The following SLC30A8 variants were observed in gnomAD, a reference collection of about 807,000 sequenced individuals.
SLC30A8 encodes the protein proton-coupled zinc antiporter SLC30A8.
A neutral mutation model predicts 36.9 loss-of-function variants in SLC30A8; 27 were observed. The ratio of observed to expected loss-of-function variants is 0.73; its 90% CI spans 0.54 to 1.01. The LOEUF is 1.01. Among genes scored for constraint, SLC30A8 ranks in the 50% least tolerant of loss-of-function variants. SLC30A8 has a pLI of 0.00. For missense variants in SLC30A8, 439 were observed against 452.0 expected, an observed-to-expected ratio of 0.97 and a Z score of 0.26; for synonymous variants, 164 against 172.4, an observed-to-expected ratio of 0.95 and a Z score of 0.38.
chr8:116,994,730 G>T (rs1437838411), intron 1 of SLC30A8, among the ~76,000 whole-genome samples: 6 of 152,172 alleles, frequency 3.9e-5, no homozygotes, highest in Non-Finnish European at 5.9e-5. Flanking sequence ...AGTTATAAAT[G>T]TGGGATTTAT....
chr8:117,088,686 C>A (rs372060885), intron 2 of SLC30A8, among the ~76,000 whole-genome samples: 23 of 152,316 alleles, frequency 1.5e-4, no homozygotes, highest in African/African-American at 5.1e-4. Flanking sequence ...CTTAAGTAAA[C>A]CCCGTAAAGC....
At position 116,977,141 on chromosome 8, in the gene SLC30A8, C is replaced by CTTTTTTTTTTTTTTTTT. The variant is rs71305451; in HGVS notation, c.-266+26029_-266+26045dup. Among the ~76,000 whole-genome samples, 257 of 59,088 alleles carry CTTTTTTTTTTTTTTTTT rather than the reference C, an allele frequency of 4.3e-3. 1 individual carries two copies. Among genetic ancestry groups the CTTTTTTTTTTTTTTTTT allele is most frequent in the Non-Finnish European group, 5.4e-3 (194 of 35,640 alleles). The allele number at this position is 59,088 out of a possible 152,430, so 38.8% of individuals were successfully genotyped here. On this transcript the variant is annotated intron_variant, in intron 1 of 10. Coordinates refer to the SLC30A8 transcript ENST00000427715. ...CTTTTCTTTCTTTTTCTTTTTCTTG[C>CTTTTTTTTTTTTTTTTT]TTTTTTTTTTTTTTTTTTTTTTTGA...
chr8:117,163,200 C>G (rs554894060), intron 5 of SLC30A8, among the ~76,000 whole-genome samples: 2 of 152,320 alleles, frequency 1.3e-5, no homozygotes, highest in African/African-American at 4.8e-5. Flanking sequence ...ATGGGGAGAG[C>G]ATGACTTGTA....
At position 117,015,547 on chromosome 8, in the gene SLC30A8, C is replaced by G. The variant is rs199674590; in HGVS notation, c.-265-23672C>G. ...AGATGCTATTATGCACCCCCCCCCC[C>G]CAAAAAAAAGAGGGCGAGGGAGGGC... On this transcript the variant is annotated intron_variant, in intron 1 of 10. Transcript: ENST00000427715. Among the ~76,000 whole-genome samples the G allele has an allele frequency of 3.2e-3, 457 of 141,904 alleles. 4 individuals carry two copies. The highest frequency in any genetic ancestry group is 0.027 in the Admixed American group (392 of 14,404). 93.1% of individuals were successfully genotyped at this position (141,904 alleles called of 152,430 possible).
chr8:116,987,555 T>C (rs549597975), intron 1 of SLC30A8, among the ~76,000 whole-genome samples: 1 of 152,050 alleles, frequency 6.6e-6, no homozygotes, highest in African/African-American at 2.4e-5. Flanking sequence ...AAGTCTTGAA[T>C]ACCAACATGA....
intron 1 of SLC30A8, among the ~76,000 whole-genome samples, chr8:116,985,328 ACACAC>A (rs1344175104): frequency 2.1e-5 from 3 of 144,044 alleles, no homozygotes; most frequent in South Asian, 4.7e-4. Flanking sequence ...ACACACACAC[ACACAC>A]AAGTATGTAT....
intron 2 of SLC30A8, among the ~76,000 whole-genome samples, chr8:117,149,013 A>G (rs758124584): frequency 2.0e-4 from 30 of 152,074 alleles, no homozygotes; most frequent in Admixed American, 1.5e-3. Flanking sequence ...CAGAAAACAT[A>G]TTTCCCCTCA....
chr8:117,121,791 C>T (rs1419101737), intron 2 of SLC30A8, among the ~76,000 whole-genome samples: 1 of 151,802 alleles, frequency 6.6e-6, no homozygotes, highest in Non-Finnish European at 1.5e-5. Flanking sequence ...CTAAAACAGT[C>T]AAACTGAGAA....
chr8:117,085,468 G>A (rs1369954756), intron 2 of SLC30A8, among the ~76,000 whole-genome samples: 1 of 152,106 alleles, frequency 6.6e-6, no homozygotes, highest in Non-Finnish European at 1.5e-5. Flanking sequence ...TTCCAAACAT[G>A]AGAATATATT....
At chr8:117,050,214 T>C (rs1311901933) in intron 2 of SLC30A8, among the ~76,000 whole-genome samples, 4 of 152,080 alleles carry the variant, frequency 2.6e-5, no homozygotes, top group African/African-American at 9.7e-5. Context: ...CTTGATCACG[T>C]CTAGTGTGTT....
chr8:117,071,723 G>A (rs1818335919), intron 2 of SLC30A8, among the ~76,000 whole-genome samples: 1 of 152,012 alleles, frequency 6.6e-6, no homozygotes, highest in Admixed American at 6.6e-5. Flanking sequence ...GTTGATTTTT[G>A]TATGTGGTGT....
chr8:116,986,886 G>A (rs1815461496), intron 1 of SLC30A8, among the ~76,000 whole-genome samples: 1 of 152,148 alleles, frequency 6.6e-6, no homozygotes, highest in Admixed American at 6.6e-5. Flanking sequence ...TTTCTACTTT[G>A]TATATCTTTA....
At chr8:117,151,098 C>T (rs1023459030) in intron 2 of SLC30A8, among the ~76,000 whole-genome samples, 1 of 152,122 alleles carries the variant, frequency 6.6e-6, no homozygotes, top group Admixed American at 6.6e-5. Context: ...CTGCTTTTCC[C>T]GAAAAGTTCT....
intron 1 of SLC30A8, among the ~76,000 whole-genome samples, chr8:116,959,339 A>G (rs994446739): frequency 6.6e-6 from 1 of 152,114 alleles, no homozygotes; most frequent in African/African-American, 2.4e-5. Context: ...GTTTCCACTT[A>G]TCTTTTAAAG....
chr8:117,148,979 C>CCCAGG (rs1234209839), intron 2 of SLC30A8, among the ~76,000 whole-genome samples: 5 of 152,082 alleles, frequency 3.3e-5, no homozygotes, highest in Non-Finnish European at 7.4e-5. Flanking sequence ...TCTTCCTCAT[C>CCCAGG]CCAGGACATC....
At position 117,021,571 on chromosome 8, in the gene SLC30A8, T is replaced by G. The variant is rs530719277; in HGVS notation, c.-265-17648T>G. Among the ~76,000 whole-genome samples, 9 of 152,304 alleles carry G rather than the reference T, an allele frequency of 5.9e-5. No homozygotes were observed. The South Asian group carries it at 1.9e-3, about 32-fold the overall frequency. On this transcript the variant is annotated intron_variant, in intron 1 of 10. Coordinates refer to the SLC30A8 transcript ENST00000427715. ...GTAAAGATGTCTTTTCTCAGCACAT[T>G]CATCCACATTTTCAAGGCAGCGTCA...
chr8:117,157,623 C>T, intron 3 of SLC30A8, 68 bp from the exon 4 acceptor site: 2 of 1,574,068 alleles, frequency 1.3e-6, no homozygotes, highest in Admixed American at 1.7e-5. Context: ...TCTTATGACT[C>T]TTGGGGGTGT....
chr8:117,073,412 C>T (rs992969434), intron 2 of SLC30A8, among the ~76,000 whole-genome samples: 4 of 152,034 alleles, frequency 2.6e-5, no homozygotes, highest in African/African-American at 9.7e-5. Context: ...TGCCATCATG[C>T]CCAGCTAACT....
Position 117,172,704 on chromosome 8 carries a change from C to T in SLC30A8, c.*23C>T. 6.2e-7 allele frequency: 1 copy of T among 1,612,424 alleles called. No homozygotes were observed. Among genetic ancestry groups the T allele is most frequent in the Non-Finnish European group, 8.5e-7 (1 of 1,178,756 alleles). On this transcript the variant is annotated 3_prime_UTR_variant, in exon 8 of 8. Coordinates refer to ENST00000456015, the MANE Select transcript of SLC30A8 (RefSeq NM_173851.3). ...TAGCTCAGTCACACCGTCAGTTTCC[C>T]AAATTTGACAGGCCACCTTCAAACA...
Sources: gnomAD v4.1 joint callset for allele counts (sites outside exome capture counted in the v4.1 genomes callset) on GRCh38, gnomAD v4.1.1 for gene constraint, MANE v1.5 for transcripts, NCBI Gene and HGNC (gene_info 2026-07-23, HGNC 2026-07-21) for gene names.